The following CYP2F1 variants were observed in gnomAD, a reference collection of about 807,000 sequenced individuals.
CYP2F1 encodes the protein cytochrome P450 2F1.
CYP2F1 carries 33 observed loss-of-function variants against 40.4 expected under a neutral mutation model. The ratio of observed to expected loss-of-function variants is 0.82; its 90% CI spans 0.62 to 1.09. CYP2F1 has a LOEUF of 1.09. Ranked by LOEUF, CYP2F1 falls within the 50% of genes least tolerant of loss-of-function variation. The pLI, the probability that CYP2F1 is intolerant of heterozygous loss-of-function variation, is 0.00. For synonymous variants in CYP2F1, 235 were observed against 277.2 expected (o/e 0.85, Z 1.51); for missense variants, 566 against 655.7 (o/e 0.86, Z 1.49).
Position 41,116,218 on chromosome 19 carries a change from C to G in CYP2F1, c.30C>G (p.Leu10=). Residue 10 remains leucine, a synonymous_variant, in exon 2 of 10, where the codon CTC becomes CTG. Coordinates refer to ENST00000331105, the MANE Select transcript of CYP2F1 (RefSeq NM_000774.5). MDSISTAIL[L]LLLALVCLLL... is the part of the protein sequence containing the mutation. ...ACAGCATAAGCACAGCCATCTTACT[C>G]CTGCTCCTGGCTCTCGTCTGTCTGC... 6.2e-7 allele frequency: 1 copy of G among 1,614,016 alleles called. No homozygotes were observed. The highest frequency in any genetic ancestry group is 8.5e-7 in the Non-Finnish European group (1 of 1,179,972).
intron 9 of CYP2F1, among the ~76,000 whole-genome samples, chr19:41,126,539 G>A (rs141662451): frequency 6.6e-6 from 1 of 151,950 alleles, no homozygotes; most frequent in African/African-American, 2.4e-5. Flanking sequence ...ATCGCTTGAG[G>A]CCAGGAGTTC....
In CYP2F1 at chr19:41,121,938, T is replaced by C. The variant is rs372678200; in HGVS notation, c.646-19T>C. The C allele has an allele frequency of 1.1e-5, 17 of 1,598,346 alleles. No individual in the cohort carries two copies. In the African/African-American group the frequency reaches 1.3e-4, roughly 13 times the overall value. On this transcript the variant is annotated intron_variant, in intron 5 of 9. Transcript: ENST00000331105. ...CCTTTGTCCTCCTCCAAAACCCTCC[T>C]ACTCTGTCTGGTCCCCAGTTGTACG...
At chr19:41,123,581 C>G (rs1403731065) in intron 7 of CYP2F1, among the ~76,000 whole-genome samples, 1 of 152,088 alleles carries the variant, frequency 6.6e-6, no homozygotes, top group Middle Eastern at 3.2e-3. Context: ...GAGTACAGTG[C>G]CGTAATTACA....
chr19:41,122,348 G>T (rs966161490), intron 6 of CYP2F1, among the ~76,000 whole-genome samples: 2 of 152,060 alleles, frequency 1.3e-5, no homozygotes, highest in Non-Finnish European at 2.9e-5. Context: ...GGTGGGGCAG[G>T]GTGGAGGGGG....
At position 41,124,248 on chromosome 19, in the gene CYP2F1, C is replaced by G. The variant is rs1292566960; in HGVS notation, c.965-471C>G. Among the ~76,000 whole-genome samples, 7 of 101,714 alleles carry G rather than the reference C, an allele frequency of 6.9e-5. 1 individual carries two copies. Among genetic ancestry groups the G allele is most frequent in the African/African-American group, 2.9e-4 (7 of 24,402 alleles). The allele number at this position is 101,714 out of a possible 152,430, so 66.7% of individuals were successfully genotyped here. A position where few individuals can be genotyped will look rare whatever the true frequency, so the allele number is the denominator to read the frequency against. On this transcript the variant is annotated intron_variant, in intron 7 of 9. Coordinates refer to ENST00000331105, the MANE Select transcript of CYP2F1 (RefSeq NM_000774.5). ...AATTCTTTTTTTTTTTTCCTCTTCC[C>G]CCCCCCCTTTTTTTTTTTTTTTTTT...
At chr19:41,123,634 G>A (rs184925399) in intron 7 of CYP2F1, among the ~76,000 whole-genome samples, 28 of 152,164 alleles carry the variant, frequency 1.8e-4, no homozygotes, top group African/African-American at 4.6e-4. Flanking sequence ...CCCCACCTCC[G>A]CCTTATCAAT....
At chr19:41,127,575 C>A (rs1027436432) in intron 9 of CYP2F1, among the ~76,000 whole-genome samples, 3 of 152,138 alleles carry the variant, frequency 2.0e-5, no homozygotes, top group African/African-American at 4.8e-5. Flanking sequence ...CTCAAGGGAT[C>A]CTCTTCCCTC....
chr19:41,116,414 G>A (rs1599668262), intron 2 of CYP2F1, 41 bp from the exon 3 acceptor site: 7 of 1,607,868 alleles, frequency 4.4e-6, no homozygotes, highest in Non-Finnish European at 6.0e-6. Flanking sequence ...GGGGTCCCAT[G>A]GCCACAGGCC....
At position 41,128,276 on chromosome 19, in the gene CYP2F1, C is replaced by T; in HGVS notation, c.*194C>T. 5.4e-6 allele frequency: 3 copies of T among 555,130 alleles called. No homozygotes were observed. Among genetic ancestry groups the T allele is most frequent in the Non-Finnish European group, 6.2e-6 (2 of 320,928 alleles). The allele number at this position is 555,130 out of a possible 1,614,324, so 34.4% of individuals were successfully genotyped here. On this transcript the variant is annotated 3_prime_UTR_variant, in exon 10 of 10. Coordinates refer to ENST00000331105, the MANE Select transcript of CYP2F1 (RefSeq NM_000774.5). ...GTCTGCAGGGCAGAGGCAGATGTGG[C>T]ATGTCTTTTTGTACCCACAGAGCTT...
In CYP2F1 at chr19:41,116,491, C is replaced by G; in HGVS notation, c.208C>G (p.Leu70Val). The change falls in exon 3 of 10, where the codon CTG becomes GTG. Residue 70 changes from leucine (L) to valine (V), a missense_variant. Around this residue, in one of 5 missense-constraint regions of CYP2F1, gnomAD observed 264 missense variants for 275.7 expected, o/e 0.96. Coordinates refer to ENST00000331105, the MANE Select transcript of CYP2F1 (RefSeq NM_000774.5). ...KEYGSMYTVH[L>V]GPRRVVVLSG... is the part of the protein sequence containing the mutation. ...GTATGGCTCCATGTACACAGTGCAC[C>G]TGGGACCCAGGCGGGTGGTGGTCCT... The G allele has an allele frequency of 1.2e-6, 2 of 1,613,948 alleles. No homozygotes were observed. The highest frequency in any genetic ancestry group is 1.7e-6 in the Non-Finnish European group (2 of 1,179,928).
intron 1 of CYP2F1, 73 bp from the exon 2 acceptor site, chr19:41,116,104 AG>A (rs2031778098): frequency 2.2e-6 from 3 of 1,375,198 alleles, no homozygotes; most frequent in South Asian, 2.8e-5. Context: ...GGCCTAGGGA[AG>A]GTAAGTCCCA....
At chr19:41,124,255 C>CCCTCCT (rs1568381420) in intron 7 of CYP2F1, among the ~76,000 whole-genome samples, 1 of 35,250 alleles carries the variant, frequency 2.8e-5, no homozygotes, top group African/African-American at 1.2e-4. Context: ...TCCCCCCCCC[C>CCCTCCT]TTTTTTTTTT....
At chr19:41,124,060 C>T (rs533634305) in intron 7 of CYP2F1, among the ~76,000 whole-genome samples, 82 of 151,980 alleles carry the variant, frequency 5.4e-4, no homozygotes, top group Non-Finnish European at 9.3e-4. Flanking sequence ...TCCACCCACT[C>T]GACCTACCGT....
intron 9 of CYP2F1, among the ~76,000 whole-genome samples, chr19:41,126,302 G>A (rs1465959709): frequency 6.6e-6 from 1 of 151,736 alleles, no homozygotes; most frequent in Non-Finnish European, 1.5e-5. Context: ...GCACATGTTT[G>A]TAATCCCAGC....
chr19:41,128,224 T>C lies in CYP2F1; in HGVS notation c.*142T>C. ...TGCATGCTGTGCCTGCCGCGTGCCCTTCCCCCATCCCTCCAATCTGTGCCC... is the reference window on the plus strand; with the variant it reads ...TGCATGCTGTGCCTGCCGCGTGCCCCTCCCCCATCCCTCCAATCTGTGCCC... On this transcript the variant is annotated 3_prime_UTR_variant, in exon 10 of 10. Transcript: ENST00000331105. 1.3e-6 allele frequency: 1 copy of C among 752,156 alleles called. No homozygotes were observed. The highest frequency in any genetic ancestry group is 2.1e-6 in the Non-Finnish European group (1 of 484,976). The allele number at this position is 752,156 out of a possible 1,614,324, so 46.6% of individuals were successfully genotyped here.
intron 7 of CYP2F1, among the ~76,000 whole-genome samples, chr19:41,124,255 C>CTTT (rs61661824): frequency 1.4e-4 from 5 of 35,274 alleles, no homozygotes; most frequent in Non-Finnish European, 1.4e-4. Flanking sequence ...TCCCCCCCCC[C>CTTT]TTTTTTTTTT....
At chr19:41,114,872 C>T (rs766830926) in intron 1 of CYP2F1, among the ~76,000 whole-genome samples, 13 of 143,574 alleles carry the variant, frequency 9.1e-5, no homozygotes, top group Admixed American at 5.2e-4. Context: ...TGGGTTCAAG[C>T]GATTCTCCTG....
rs201789202 is a variant in CYP2F1, at chr19:41,125,498, C to T, written c.1158C>T (p.Thr386=). The stretch of plus-strand genomic sequence containing the variant: ...CCACCTCCTCACCCACACAGGGCAC[C>T]GATGTCATCACCCTCCTTAACACCG... ...AFRGFLIPKG[T]DVITLLNTVH... is the part of the protein sequence containing the mutation. Residue 386 remains threonine (T), a synonymous_variant, in exon 9 of 10, where the codon ACC becomes ACT. Coordinates refer to ENST00000331105, the MANE Select transcript of CYP2F1 (RefSeq NM_000774.5). The T allele has an allele frequency of 4.8e-4, 716 of 1,498,408 alleles. 1 individual carries two copies. In the Middle Eastern group the frequency reaches 5.7e-3, roughly 12 times the overall value. 92.8% of individuals were successfully genotyped at this position (1,498,408 alleles called of 1,614,324 possible). A position where few individuals can be genotyped will look rare whatever the true frequency, so the allele number is the denominator to read the frequency against.
chr19:41,128,103 C>T lies in CYP2F1; in HGVS notation c.*21C>T, dbSNP rs1182694562. 6.9e-6 allele frequency: 11 copies of T among 1,589,600 alleles called. No homozygotes were observed. Among genetic ancestry groups the T allele is most frequent in the East Asian group, 2.3e-5 (1 of 44,310 alleles). On this transcript the variant is annotated 3_prime_UTR_variant, in exon 10 of 10. Transcript: ENST00000331105. ...GCTAACGCCCCGGCCCTTCCAGATTCGCCTGTGAGCGATGAGGCCCGCCCA... is the reference window on the plus strand; with the variant it reads ...GCTAACGCCCCGGCCCTTCCAGATTTGCCTGTGAGCGATGAGGCCCGCCCA...
Sources: gnomAD v4.1 joint callset for allele counts (sites outside exome capture counted in the v4.1 genomes callset) on GRCh38, gnomAD v4.1.1 for gene constraint, gnomAD v4.1.1 regional missense constraint, MANE v1.5 for transcripts, NCBI Gene and HGNC (gene_info 2026-07-23, HGNC 2026-07-21) for gene names.